RGS6: variants seen among roughly 807,000 people sequenced by gnomAD.
RGS6 encodes the protein regulator of G protein signaling 6, also known as regulator of G-protein signaling 6.
In RGS6, 30 loss-of-function variants were observed where a neutral mutation model predicts 78.5. That is an observed-to-expected ratio of 0.38 (90% confidence interval 0.29 to 0.52). The LOEUF is 0.52. Among genes scored for constraint, RGS6 ranks in the 20% least tolerant of loss-of-function variants. The probability of loss-of-function intolerance (pLI) is 0.85; values close to 1 mark genes in which losing one functional copy is unlikely to be tolerated. For synonymous variants in RGS6, 206 were observed against 206.0 expected, an observed-to-expected ratio of 1.00 and a Z score of 0.00; for missense variants, 495 against 609.7, an observed-to-expected ratio of 0.81 and a Z score of 1.98.
chr14:72,147,283 A>G (rs1344692650), intron 2 of RGS6, among the ~76,000 whole-genome samples: 1 of 152,190 alleles, frequency 6.6e-6, no homozygotes, highest in Non-Finnish European at 1.5e-5. Flanking sequence ...TTGTTACTGT[A>G]ATAAACCCTC....
intron 2 of RGS6, among the ~76,000 whole-genome samples, chr14:72,255,301 G>T (rs1349051846): frequency 6.6e-6 from 1 of 152,158 alleles, no homozygotes; most frequent in East Asian, 1.9e-4. Flanking sequence ...GCCACTTAAG[G>T]GAAGTGGTGG....
intron 3 of RGS6, among the ~76,000 whole-genome samples, chr14:72,402,110 T>C (rs1393534212): frequency 6.6e-6 from 1 of 152,230 alleles, no homozygotes; most frequent in Non-Finnish European, 1.5e-5. Flanking sequence ...ACCCACTGTC[T>C]GCTCCACGAC....
At chr14:72,478,093 T>C (rs1023401861) in intron 11 of RGS6, among the ~76,000 whole-genome samples, 175 bp from the exon 12 acceptor site, 26 of 152,138 alleles carry the variant, frequency 1.7e-4, no homozygotes, top group African/African-American at 6.0e-4. Flanking sequence ...TCTTGTATGA[T>C]AGGGATGTCC....
chr14:72,090,649 G>T (rs2095238488), intron 2 of RGS6, among the ~76,000 whole-genome samples: 1 of 152,218 alleles, frequency 6.6e-6, no homozygotes, highest in East Asian at 1.9e-4. Context: ...TGCCAAAAAG[G>T]TTGGAGACTG....
At chr14:72,327,660 A>T (rs1489617342) in intron 2 of RGS6, among the ~76,000 whole-genome samples, 1 of 152,200 alleles carries the variant, frequency 6.6e-6, no homozygotes. Flanking sequence ...GACTAGAAAA[A>T]GATTTGAAGG....
chr14:72,615,453 G>T, the RGS6 span, among the ~76,000 whole-genome samples: 2 of 152,206 alleles, frequency 1.3e-5, no homozygotes, highest in African/African-American at 4.8e-5. Flanking sequence ...GAAAGGAAGC[G>T]GGCTGTATTC....
At position 72,395,326 on chromosome 14, in the gene RGS6, G is replaced by A. The variant is rs959045764; in HGVS notation, c.184+43132G>A. Among the ~76,000 whole-genome samples, 3 of 152,066 alleles carry A rather than the reference G, an allele frequency of 2.0e-5. No individual in the cohort carries two copies. In the South Asian group the frequency reaches 6.2e-4, roughly 32 times the overall value. On this transcript the variant is annotated intron_variant, in intron 3 of 17. Coordinates refer to ENST00000553525, the MANE Select transcript of RGS6 (RefSeq NM_001204424.2). ...AAAGATTATGTAGGCATATATATGTGTGTGTATATACATATATATGGATAC... is the reference window on the plus strand; with the variant it reads ...AAAGATTATGTAGGCATATATATGTATGTGTATATACATATATATGGATAC...
chr14:72,383,144 ATATAC>A (rs1303193838), intron 3 of RGS6, among the ~76,000 whole-genome samples: 2 of 139,934 alleles, frequency 1.4e-5, no homozygotes, highest in Non-Finnish European at 3.1e-5. Context: ...ATATAAACAT[ATATAC>A]TATATTTACA....
chr14:72,195,206 T>C, intron 2 of RGS6, among the ~76,000 whole-genome samples: 1 of 146,952 alleles, frequency 6.8e-6, no homozygotes, highest in African/African-American at 2.5e-5. Flanking sequence ...AAACTCCATC[T>C]CAAAAAAAAA....
intron 2 of RGS6, among the ~76,000 whole-genome samples, chr14:72,052,656 T>TA (rs1398935842): frequency 6.6e-6 from 1 of 151,952 alleles, no homozygotes; most frequent in Non-Finnish European, 1.5e-5. Flanking sequence ...TCTTACTGAA[T>TA]TTTTTAATGC....
At position 72,193,776 on chromosome 14, in the gene RGS6, C is replaced by A. The variant is rs143091894; in HGVS notation, c.85-158319C>A. 2.6e-3 allele frequency among the ~76,000 whole-genome samples: 390 copies of A among 152,192 alleles called. 2 individuals are homozygous for A. Among genetic ancestry groups the A allele is most frequent in the African/African-American group, 8.9e-3 (371 of 41,486 alleles). On this transcript the variant is annotated intron_variant, in intron 2 of 17. Transcript: ENST00000553525. Reference sequence around the variant, plus strand: ...AGTTCTGGGAGAAAAGTTTATCAGGCAAGGTATATGGCTGGTAGAAAACTC... The same window carrying A: ...AGTTCTGGGAGAAAAGTTTATCAGGAAAGGTATATGGCTGGTAGAAAACTC...
intron 2 of RGS6, among the ~76,000 whole-genome samples, chr14:72,170,671 T>C (rs967146406): frequency 3.3e-5 from 5 of 152,252 alleles, no homozygotes; most frequent in African/African-American, 1.2e-4. Flanking sequence ...AAATATCTTT[T>C]TGTTATCACA....
At chr14:72,348,378 A>G (rs2078459782) in intron 2 of RGS6, among the ~76,000 whole-genome samples, 1 of 152,196 alleles carries the variant, frequency 6.6e-6, no homozygotes, top group African/African-American at 2.4e-5. Flanking sequence ...TGACCGGGAA[A>G]TCAATTAAAT....
At chr14:72,529,649 C>T (rs1343127406) in intron 15 of RGS6, among the ~76,000 whole-genome samples, 1 of 147,906 alleles carries the variant, frequency 6.8e-6, no homozygotes, top group Non-Finnish European at 1.5e-5. Context: ...CAAGACCAGA[C>T]CCCCCCCTCC....
At chr14:71,940,859 A>C (rs553281506) in intron 1 of RGS6, among the ~76,000 whole-genome samples, 1 of 152,200 alleles carries the variant, frequency 6.6e-6, no homozygotes, top group Non-Finnish European at 1.5e-5. Context: ...AGTAGGTCTA[A>C]AGGGACTAAT....
intron 2 of RGS6, among the ~76,000 whole-genome samples, chr14:72,183,525 A>G (rs570522632): frequency 6.6e-6 from 1 of 152,242 alleles, no homozygotes; most frequent in Non-Finnish European, 1.5e-5. Flanking sequence ...CTCACTGAGA[A>G]CAATTATTAA....
chr14:72,619,474 T>C, the RGS6 span: 1 of 1,288,430 alleles, frequency 7.8e-7, no homozygotes, highest in Non-Finnish European at 1.1e-6. Flanking sequence ...ACTTTGGCAA[T>C]GCAGAAACCA....
chr14:72,116,474 T>G (rs2095887615), intron 2 of RGS6, among the ~76,000 whole-genome samples: 1 of 151,770 alleles, frequency 6.6e-6, no homozygotes, highest in Non-Finnish European at 1.5e-5. Context: ...ACAGTGTTCC[T>G]GGCCTTTGCC....
chr14:72,444,319 A>G (rs2095301659), intron 3 of RGS6, among the ~76,000 whole-genome samples: 1 of 151,964 alleles, frequency 6.6e-6, no homozygotes, highest in Non-Finnish European at 1.5e-5. Context: ...CATAATGCAC[A>G]GGAAAGCTTT....
Sources: gnomAD v4.1 joint callset for allele counts (sites outside exome capture counted in the v4.1 genomes callset) on GRCh38, gnomAD v4.1.1 for gene constraint, MANE v1.5 for transcripts, NCBI Gene and HGNC (gene_info 2026-07-23, HGNC 2026-07-21) for gene names.